PALLD: variants seen among roughly 807,000 people sequenced by gnomAD.
The protein encoded by PALLD is palladin, cytoskeletal associated protein.
In PALLD, 61 loss-of-function variants were observed where a neutral mutation model predicts 123.5. The ratio of observed to expected loss-of-function variants is 0.49; its 90% confidence interval spans 0.40 to 0.61. PALLD has a LOEUF of 0.61. Among genes scored for constraint, PALLD ranks in the 20% least tolerant of loss-of-function variants. The pLI, the probability that PALLD is intolerant of heterozygous loss-of-function variation, is 0.00. For synonymous variants in PALLD, 465 were observed against 496.4 expected (o/e 0.94, Z 0.84); for missense variants, 1,273 against 1,377.0 (o/e 0.92, Z 1.20).
chr4:168,727,341 C>G (rs1376130105), intron 10 of PALLD, among the ~76,000 whole-genome samples: 2 of 152,174 alleles, frequency 1.3e-5, no homozygotes, highest in African/African-American at 4.8e-5. Context: ...ACATTCCTAC[C>G]AACAGTATGT....
chr4:168,691,188 G>A, intron 7 of PALLD, 81 bp from the exon 8 acceptor site: 2 of 977,266 alleles, frequency 2.0e-6, no homozygotes, highest in Non-Finnish European at 3.3e-6. Context: ...GTAATGGAAA[G>A]GAACAAGTAG....
intron 6 of PALLD, among the ~76,000 whole-genome samples, chr4:168,685,997 C>T (rs1300062135): frequency 1.3e-5 from 2 of 152,016 alleles, no homozygotes; most frequent in East Asian, 1.9e-4. Context: ...TTCCATATAG[C>T]ATTTCTTCTC....
chr4:168,600,196 G>A (rs13150267), intron 2 of PALLD, among the ~76,000 whole-genome samples: 3,151 of 152,114 alleles, frequency 0.021, 58 homozygotes, highest in African/African-American at 0.052. Flanking sequence ...AACGGTGTGC[G>A]TGTGTGTGTA....
intron 10 of PALLD, among the ~76,000 whole-genome samples, chr4:168,769,712 G>C (rs939993690): frequency 2.0e-5 from 3 of 152,094 alleles, no homozygotes; most frequent in African/African-American, 7.2e-5. Context: ...CTCCCTCTGT[G>C]GTGACTCAGA....
chr4:168,917,300 G>A (rs1030666445), intron 17 of PALLD, among the ~76,000 whole-genome samples: 2 of 151,364 alleles, frequency 1.3e-5, no homozygotes, highest in Admixed American at 6.6e-5. Context: ...CGCCCTCCTC[G>A]GCCTTCCAAA....
chr4:168,580,972 G>A (rs1770207574), intron 2 of PALLD, among the ~76,000 whole-genome samples: 1 of 151,794 alleles, frequency 6.6e-6, no homozygotes, highest in Admixed American at 6.6e-5. Flanking sequence ...GCCTACTGGA[G>A]GGAAGAAGGT....
rs566543059 is a variant in PALLD at position 168,921,599 on chromosome 4, T to C, written c.2916T>C (p.Ser972=). The C allele has an allele frequency of 6.2e-7, 1 of 1,609,742 alleles. No individual in the cohort carries two copies. The highest frequency in any genetic ancestry group is 1.4e-5 in the African/African-American group (1 of 73,396). The part of the protein sequence containing the change: ...QLDGKPVRPD[S]AHKMLVRENG... ...ATGGAAAGCCCGTACGCCCTGACAGTGCTCACAAGATGCTGGTGCGTGAGA... is the reference window on the plus strand; with the variant it reads ...ATGGAAAGCCCGTACGCCCTGACAGCGCTCACAAGATGCTGGTGCGTGAGA... Residue 972 remains serine, a synonymous_variant, in exon 18 of 22, where the codon AGT becomes AGC. Transcript: ENST00000505667.
chr4:168,731,121 A>C (rs1290732615), intron 10 of PALLD, among the ~76,000 whole-genome samples: 1 of 152,130 alleles, frequency 6.6e-6, no homozygotes, highest in Non-Finnish European at 1.5e-5. Context: ...AGCATCCCTC[A>C]TGTTTGATTC....
intron 8 of PALLD, among the ~76,000 whole-genome samples, chr4:168,697,670 A>T (rs1783266296): frequency 6.6e-6 from 1 of 152,216 alleles, no homozygotes; most frequent in Admixed American, 6.5e-5. Flanking sequence ...CAGTCCTGAC[A>T]TCTAGAAGTC....
At chr4:168,752,919 G>A (rs1731254356) in intron 10 of PALLD, among the ~76,000 whole-genome samples, 1 of 152,012 alleles carries the variant, frequency 6.6e-6, no homozygotes, top group African/African-American at 2.4e-5. Context: ...AGAGTGAAAA[G>A]AGTAAGAGAG....
At chr4:168,777,991 C>A (rs1274270955) in intron 10 of PALLD, among the ~76,000 whole-genome samples, 1 of 152,180 alleles carries the variant, frequency 6.6e-6, no homozygotes, top group Non-Finnish European at 1.5e-5. Flanking sequence ...CTCACCTCAA[C>A]CTCAGATTAT....
chr4:168,915,645 C>T (rs1265338313), intron 16 of PALLD, among the ~76,000 whole-genome samples: 5 of 151,626 alleles, frequency 3.3e-5, no homozygotes, highest in African/African-American at 9.7e-5. Context: ...TATGTAATAC[C>T]CCATTTTTTT....
intron 18 of PALLD, among the ~76,000 whole-genome samples, chr4:168,922,240 G>A (rs548762121): frequency 2.6e-5 from 4 of 151,938 alleles, no homozygotes; most frequent in Non-Finnish European, 5.9e-5. Flanking sequence ...GGTAAATTCT[G>A]TAAAAGTGCT....
chr4:168,651,993 C>T lies in PALLD; in HGVS notation c.909-16197C>T, dbSNP rs542264843. On this transcript the variant is annotated intron_variant, in intron 2 of 21. Coordinates refer to ENST00000505667, the MANE Select transcript of PALLD (RefSeq NM_001166108.2). ...TTTGTTTTGGCTTCTCAACACTGAGCATAGCTGGTGGGGCAGAGGCAGATT... is the reference window on the plus strand; with the variant it reads ...TTTGTTTTGGCTTCTCAACACTGAGTATAGCTGGTGGGGCAGAGGCAGATT... Among the ~76,000 whole-genome samples the T allele has an allele frequency of 3.9e-5, 6 of 152,206 alleles. No homozygotes were observed. In the South Asian group the frequency reaches 1.2e-3, roughly 32 times the overall value.
chr4:168,928,033 G>C lies in PALLD; in HGVS notation c.*1853G>C, dbSNP rs555919546. On this transcript the variant is annotated 3_prime_UTR_variant, in exon 22 of 22. Transcript: ENST00000505667. ...TTCATATTACTGTTTCACATGTACA[G>C]CTTTCTACTTCTTTGTAAGAACACC... 14 of 195,566 alleles carry C rather than the reference G, an allele frequency of 7.2e-5. No homozygotes were observed. The highest frequency in any genetic ancestry group is 6.1e-4 in the Admixed American group (10 of 16,440). 12.1% of individuals were successfully genotyped at this position (195,566 alleles called of 1,614,324 possible). A position where few individuals can be genotyped will look rare whatever the true frequency, so the allele number is the denominator to read the frequency against.
intron 2 of PALLD, among the ~76,000 whole-genome samples, chr4:168,629,721 G>T (rs750330187): frequency 1.3e-5 from 2 of 151,890 alleles, no homozygotes; most frequent in South Asian, 4.2e-4. Context: ...ACCGCGTAAC[G>T]TTGGGATAGT....
intron 10 of PALLD, among the ~76,000 whole-genome samples, chr4:168,861,274 G>A (rs562345513): frequency 0.011 from 714 of 64,160 alleles, 9 homozygotes; most frequent in East Asian, 0.015. Flanking sequence ...TATTGAATAT[G>A]GAATTAAAAA....
intron 10 of PALLD, among the ~76,000 whole-genome samples, chr4:168,851,130 C>G (rs1029673484): frequency 4.6e-5 from 7 of 152,128 alleles, no homozygotes; most frequent in Non-Finnish European, 1.0e-4. Flanking sequence ...TCCCATGTGT[C>G]TCTAACCTGC....
At chr4:168,644,977 T>G (rs575615592) in intron 2 of PALLD, among the ~76,000 whole-genome samples, 17 of 151,800 alleles carry the variant, frequency 1.1e-4, no homozygotes, top group Admixed American at 2.0e-4. Context: ...GGTGGGCGCC[T>G]GTAATCCCAG....
Sources: allele counts gnomAD v4.1 joint callset (sites outside exome capture counted in the v4.1 genomes callset), GRCh38; gene constraint gnomAD v4.1.1; transcripts MANE v1.5; gene names NCBI Gene and HGNC (gene_info 2026-07-23, HGNC 2026-07-21).